BARX2: variants seen among roughly 807,000 people sequenced by gnomAD.
BARX2 encodes homeobox protein BarH-like 2.
Under a neutral mutation model 25.5 loss-of-function variants are expected in BARX2, and 11 were observed. The ratio of observed to expected loss-of-function variants is 0.43; its 90% CI spans 0.27 to 0.71. BARX2 has a LOEUF of 0.71. BARX2 is among the 30% of genes least tolerant of loss of function. The pLI, the probability that BARX2 is intolerant of heterozygous loss-of-function variation, is 0.19. For missense variants in BARX2, 360 were observed against 359.9 expected (o/e 1.00, Z 0.00); for synonymous variants, 137 against 149.5 (o/e 0.92, Z 0.61).
At chr11:129,412,259 G>A (rs1861897176) in intron 1 of BARX2, among the ~76,000 whole-genome samples, 2 of 149,846 alleles carry the variant, frequency 1.3e-5, no homozygotes, top group Middle Eastern at 3.4e-3. Flanking sequence ...GCTACAGGGC[G>A]AGAATCCATC....
intron 2 of BARX2, among the ~76,000 whole-genome samples, chr11:129,440,562 C>T (rs1277016605): frequency 1.3e-5 from 2 of 152,226 alleles, no homozygotes; most frequent in Non-Finnish European, 1.5e-5. Context: ...TTGGCTTTAG[C>T]CTGTTAATCA....
intron 1 of BARX2, among the ~76,000 whole-genome samples, chr11:129,434,502 C>T (rs1591444981): frequency 6.7e-6 from 1 of 149,344 alleles, no homozygotes; most frequent in Non-Finnish European, 1.5e-5. Context: ...TGGCTTCAAG[C>T]AGTCCTCCAG....
rs144146506 is a variant in BARX2, at chr11:129,424,394, C to T, written c.188-12357C>T. ...ATGGCCCTAAATCCAGCAGTCACCT[C>T]GAGCGTCTTGAGTCTTCCCCTTCCT... On this transcript the variant is annotated intron_variant, in intron 1 of 3. Transcript: ENST00000281437. 5.5e-3 allele frequency among the ~76,000 whole-genome samples: 838 copies of T among 152,302 alleles called. 4 individuals carry two copies. The highest frequency in any genetic ancestry group is 8.9e-3 in the Non-Finnish European group (605 of 68,026).
chr11:129,384,244 T>TTTA (rs1555133074), intron 1 of BARX2, among the ~76,000 whole-genome samples: 1 of 151,458 alleles, frequency 6.6e-6, no homozygotes, highest in South Asian at 2.1e-4. Context: ...TTTTTTTTTT[T>TTTA]AAAAAACCAA....
intron 1 of BARX2, among the ~76,000 whole-genome samples, chr11:129,388,418 A>C (rs10791005): frequency 0.87 from 131,702 of 152,098 alleles, 57,117 homozygotes; most frequent in Admixed American, 0.92. Flanking sequence ...TTCGCTACCA[A>C]TCTCTGGGTC....
intron 1 of BARX2, among the ~76,000 whole-genome samples, chr11:129,415,593 C>T (rs1459221855): frequency 6.6e-6 from 1 of 152,158 alleles, no homozygotes; most frequent in African/African-American, 2.4e-5. Context: ...GCTTGCAAAC[C>T]ATTTTCCATA....
At chr11:129,403,273 G>C (rs1199355142) in intron 1 of BARX2, among the ~76,000 whole-genome samples, 1 of 152,234 alleles carries the variant, frequency 6.6e-6, no homozygotes, top group African/African-American at 2.4e-5. Context: ...AATTGAAGTG[G>C]ATATATTAGG....
rs1410727256 is a variant in BARX2 at position 129,436,828 on chromosome 11, G to T, written c.265G>T (p.Ala89Ser). ...CACTGTCATCTCCCACCTGGTCCCTGCCACCCCGGGAATCGCCCAGGCACT... is the reference window on the plus strand; with the variant it reads ...CACTGTCATCTCCCACCTGGTCCCTTCCACCCCGGGAATCGCCCAGGCACT... ...QPTVISHLVP[A>S]TPGIAQALSC... The change falls in exon 2 of 4, where the codon GCC becomes TCC. Residue 89 changes from alanine to serine, a missense_variant. This residue lies in a region of BARX2 where 240 missense variants were observed against 228.7 expected (regional missense o/e 1.05). Transcript: ENST00000281437. The surrounding 1 kb of genome is among the most constrained non-coding windows in gnomAD (Gnocchi z 4.5). 7 of 1,613,744 alleles carry T rather than the reference G, an allele frequency of 4.3e-6. No homozygotes were observed. The highest frequency in any genetic ancestry group is 5.9e-6 in the Non-Finnish European group (7 of 1,179,898).
chr11:129,420,176 C>T (rs764602307), intron 1 of BARX2, among the ~76,000 whole-genome samples: 2 of 152,066 alleles, frequency 1.3e-5, no homozygotes, highest in Admixed American at 6.5e-5. Flanking sequence ...TCCTTTCCCC[C>T]CTCCTCCTAA....
At chr11:129,380,974 A>G (rs1430045010) in intron 1 of BARX2, among the ~76,000 whole-genome samples, 1 of 152,094 alleles carries the variant, frequency 6.6e-6, no homozygotes, top group African/African-American at 2.4e-5. Flanking sequence ...ACAGGGTTTC[A>G]CCATGTTGGC....
At chr11:129,431,410 C>A (rs1333962665) in intron 1 of BARX2, among the ~76,000 whole-genome samples, 2 of 152,134 alleles carry the variant, frequency 1.3e-5, no homozygotes, top group Non-Finnish European at 2.9e-5. Context: ...GCATTCTCGC[C>A]AGCAATGAAG....
chr11:129,418,885 A>T lies in BARX2; in HGVS notation c.188-17866A>T, dbSNP rs565433493. Among the ~76,000 whole-genome samples the T allele has an allele frequency of 4.6e-5, 7 of 152,368 alleles. No homozygotes were observed. In the East Asian group the frequency reaches 1.3e-3, roughly 29 times the overall value. On this transcript the variant is annotated intron_variant, in intron 1 of 3. Coordinates refer to ENST00000281437, the MANE Select transcript of BARX2 (RefSeq NM_003658.5). ...AAGTTGTACAGAAAGTCCTCAAACA[A>T]CATCGTTTCATTCAATGTTGTTTCA...
At chr11:129,380,705 G>A (rs547553814) in intron 1 of BARX2, among the ~76,000 whole-genome samples, 9 of 152,214 alleles carry the variant, frequency 5.9e-5, no homozygotes, top group Admixed American at 4.6e-4. Flanking sequence ...ACGGGATCTG[G>A]GACTCATCCA....
intron 3 of BARX2, among the ~76,000 whole-genome samples, chr11:129,447,191 A>G (rs1862340983): frequency 6.6e-6 from 1 of 152,160 alleles, no homozygotes; most frequent in Non-Finnish European, 1.5e-5. Context: ...AGAGGGAAGG[A>G]GAGAGTTCCT....
At chr11:129,432,767 T>C (rs1862143333) in intron 1 of BARX2, among the ~76,000 whole-genome samples, 1 of 152,194 alleles carries the variant, frequency 6.6e-6, no homozygotes, top group African/African-American at 2.4e-5. Context: ...ACTTTCCTTT[T>C]TAAAAAATTT....
chr11:129,387,427 A>C (rs1861626606), intron 1 of BARX2, among the ~76,000 whole-genome samples: 3 of 152,222 alleles, frequency 2.0e-5, no homozygotes, highest in Admixed American at 2.0e-4. Flanking sequence ...AGGATTTAGG[A>C]TATTTAGGGT....
At chr11:129,387,839 G>A (rs7126244) in intron 1 of BARX2, among the ~76,000 whole-genome samples, 106 of 152,274 alleles carry the variant, frequency 7.0e-4, no homozygotes, top group African/African-American at 2.4e-3. Context: ...TGGCAACCAC[G>A]TGCCCGGCAC....
intron 1 of BARX2, among the ~76,000 whole-genome samples, chr11:129,401,234 A>C (rs1412999469): frequency 9.2e-5 from 14 of 152,212 alleles, no homozygotes; most frequent in African/African-American, 3.1e-4. Context: ...AAACTTGGCT[A>C]AGGTAGGAAA....
At chr11:129,397,236 G>A (rs183270023) in intron 1 of BARX2, among the ~76,000 whole-genome samples, 99 of 151,116 alleles carry the variant, frequency 6.6e-4, no homozygotes, top group Non-Finnish European at 1.1e-3. Flanking sequence ...GTGAGCTGTG[G>A]TCATGCCATT....
Sources: allele counts gnomAD v4.1 joint callset (sites outside exome capture counted in the v4.1 genomes callset), GRCh38; gene constraint gnomAD v4.1.1; regional missense constraint gnomAD v4.1.1; non-coding constraint Gnocchi (gnomAD v3.1); transcripts MANE v1.5; gene names NCBI Gene and HGNC (gene_info 2026-07-23, HGNC 2026-07-21).